BCKDK: variants seen among roughly 807,000 people sequenced by gnomAD.
The protein encoded by BCKDK is branched chain keto acid dehydrogenase kinase, also known as branched-chain alpha-ketoacid dehydrogenase kinase.
BCKDK carries 28 observed loss-of-function variants against 43.9 expected under a neutral mutation model. The ratio of observed to expected loss-of-function variants is 0.64; its 90% CI spans 0.47 to 0.87. The LOEUF is 0.87. Ranked by LOEUF, BCKDK falls within the 40% of genes least tolerant of loss-of-function variation. The pLI, the probability that BCKDK is intolerant of heterozygous loss-of-function variation, is 0.00. For synonymous variants in BCKDK, 257 were observed against 234.3 expected (o/e 1.10, Z -0.88); for missense variants, 483 against 581.4 (o/e 0.83, Z 1.74).
intron 10 of BCKDK, 74 bp downstream of exon 10, chr16:31,111,463 AC>A: frequency 2.7e-6 from 4 of 1,503,748 alleles, no homozygotes; most frequent in Non-Finnish European, 3.7e-6. Context: ...TTGATTTAGG[AC>A]CTTGAGCCCC....
downstream of BCKDK, chr16:31,117,602 G>T: frequency 8.5e-7 from 1 of 1,183,212 alleles, no homozygotes; most frequent in African/African-American, 1.6e-5. Flanking sequence ...CAAACCTTGA[G>T]GAGCCCGCCC....
chr16:31,112,289 C>T lies in BCKDK; in HGVS notation c.*24C>T. 3.1e-6 allele frequency: 5 copies of T among 1,604,662 alleles called. No individual in the cohort carries two copies. The highest frequency in any genetic ancestry group is 1.3e-5 in the African/African-American group (1 of 75,066). The stretch of plus-strand genomic sequence containing the variant: ...GACCCCACAGCCTTTGGCCTGCTCA[C>T]CCGACCAGCCTGGGCCGCATTCCCT... On this transcript the variant is annotated 3_prime_UTR_variant, in exon 12 of 12. Coordinates refer to ENST00000219794, the MANE Select transcript of BCKDK (RefSeq NM_005881.4). This position sits in a 1 kb window ranked among gnomAD's most constrained non-coding sequence, Gnocchi z 5.0.
chr16:31,112,421 T>G lies in BCKDK; in HGVS notation c.*156T>G. Reference sequence around the variant, plus strand: ...ACTTACATGGAGCTGGGCACTGCCCTGCCTCAACAGGGTCCATTGCCTCCT... The same window carrying G: ...ACTTACATGGAGCTGGGCACTGCCCGGCCTCAACAGGGTCCATTGCCTCCT... On this transcript the variant is annotated 3_prime_UTR_variant, in exon 12 of 12. Transcript: ENST00000219794. This position sits in a 1 kb window ranked among gnomAD's most constrained non-coding sequence, Gnocchi z 5.0. 1 of 1,257,010 alleles carries G rather than the reference T, an allele frequency of 8.0e-7. No individual in the cohort carries two copies. Among genetic ancestry groups the G allele is most frequent in the Non-Finnish European group, 1.1e-6 (1 of 891,720 alleles). 77.9% of individuals were successfully genotyped at this position (1,257,010 alleles called of 1,614,324 possible).
chr16:31,113,568 C>CT (rs2057429383), downstream of BCKDK, among the ~76,000 whole-genome samples: 4 of 152,176 alleles, frequency 2.6e-5, no homozygotes, highest in Admixed American at 2.6e-4. Flanking sequence ...CCTTGAACTC[C>CT]TGGGATCAAG....
downstream of BCKDK, among the ~76,000 whole-genome samples, chr16:31,115,380 C>T (rs963458911): frequency 5.3e-5 from 8 of 151,788 alleles, no homozygotes; most frequent in South Asian, 2.1e-4. Context: ...GCGGCCACCA[C>T]GCCTGGCTAA....
Position 31,112,169 on chromosome 16 carries a change from T to C in BCKDK, c.1143T>C (p.Gly381=). The change falls in exon 12 of 12, where the codon GGT becomes GGC. Residue 381 remains glycine (G), a synonymous_variant. Transcript: ENST00000219794. This position sits in a 1 kb window ranked among gnomAD's most constrained non-coding sequence, Gnocchi z 5.0. ...CACGGGCCTACGCGGAGTACCTCGG[T>C]GGGTCTCTGCAGCTGCAGTCCCTGC... ...PTSRAYAEYL[G]GSLQLQSLQG... is the part of the protein sequence containing the mutation. The C allele has an allele frequency of 6.2e-7, 1 of 1,613,478 alleles. No homozygotes were observed.
At chr16:31,111,527 T>G (rs2057412364) in intron 10 of BCKDK, 138 bp downstream of exon 10, 1 of 1,007,520 alleles carries the variant, frequency 9.9e-7, no homozygotes, top group African/African-American at 1.6e-5. Context: ...ATTCTCTGAA[T>G]CCTGAGATGG....
downstream of BCKDK, among the ~76,000 whole-genome samples, chr16:31,116,509 T>A (rs937456422): frequency 2.0e-5 from 3 of 151,634 alleles, no homozygotes; most frequent in African/African-American, 7.3e-5. Context: ...ACTCGTCCTT[T>A]CTTTAGACTT....
downstream of BCKDK, among the ~76,000 whole-genome samples, chr16:31,114,879 C>A (rs931966639): frequency 2.6e-5 from 4 of 151,984 alleles, no homozygotes; most frequent in African/African-American, 9.7e-5. Flanking sequence ...TGCATCCTTA[C>A]AATATTTCCT....
Position 31,111,321 on chromosome 16 carries a change from A to G in BCKDK, c.867A>G (p.Leu289=), listed in dbSNP as rs753857407. Residue 289 remains leucine, a synonymous_variant, in exon 10 of 12, where the codon CTA becomes CTG. Transcript: ENST00000219794. ...ATAGAGCCACAATGGAGAGTCACCT[A>G]GACACTCCCTACAATGTCCCAGATG... ...NAMRATMESH[L]DTPYNVPDVV... The G allele has an allele frequency of 1.2e-6, 2 of 1,614,074 alleles. No individual in the cohort carries two copies. Among genetic ancestry groups the G allele is most frequent in the East Asian group, 2.2e-5 (1 of 44,884 alleles).
downstream of BCKDK, among the ~76,000 whole-genome samples, chr16:31,113,220 C>T (rs1363906672): frequency 6.6e-6 from 1 of 152,232 alleles, no homozygotes; most frequent in East Asian, 1.9e-4. Context: ...CTGGAAAGTT[C>T]TCTTGCCTTC....
chr16:31,111,480 G>A lies in BCKDK; in HGVS notation c.935+91G>A. ...GATTTAGGACCTTGAGCCCCTTCCTGCCCCATTCTGGGACTTGGTCCCTGA... is the reference window on the plus strand; with the variant it reads ...GATTTAGGACCTTGAGCCCCTTCCTACCCCATTCTGGGACTTGGTCCCTGA... On this transcript the variant is annotated intron_variant, in intron 10 of 11. Coordinates refer to ENST00000219794, the MANE Select transcript of BCKDK (RefSeq NM_005881.4). 4 of 1,402,254 alleles carry A rather than the reference G, an allele frequency of 2.9e-6. No homozygotes were observed. In the South Asian group the frequency reaches 4.7e-5, roughly 17 times the overall value. 86.9% of individuals were successfully genotyped at this position (1,402,254 alleles called of 1,614,324 possible).
Position 31,111,860 on chromosome 16 carries a change from T to C in BCKDK, c.936-9T>C. The C allele has an allele frequency of 1.9e-6, 3 of 1,613,944 alleles. No homozygotes were observed. The highest frequency in any genetic ancestry group is 2.5e-6 in the Non-Finnish European group (3 of 1,179,928). On this transcript the variant is annotated splice_polypyrimidine_tract_variant and intron_variant, in intron 10 of 11. Coordinates refer to ENST00000219794, the MANE Select transcript of BCKDK (RefSeq NM_005881.4). The stretch of plus-strand genomic sequence containing the variant: ...TGAGCCAAGCCCATTGTTGTTGCCA[T>C]CTTGCTAGGATCTCAGACCGTGGTG...
chr16:31,116,838 A>AC (rs1326251834), downstream of BCKDK, among the ~76,000 whole-genome samples: 1 of 146,610 alleles, frequency 6.8e-6, no homozygotes, highest in East Asian at 2.1e-4. Flanking sequence ...AATCGCTTGA[A>AC]CCCGGGAGGC....
chr16:31,109,657 T>G lies in BCKDK; in HGVS notation c.265-16T>G. Reference sequence around the variant, plus strand: ...CTCAGGCTCCAGCCCCGCCTTCCCTTCTCATTTTCTCCCAGAAAAGTGCTC... The same window carrying G: ...CTCAGGCTCCAGCCCCGCCTTCCCTGCTCATTTTCTCCCAGAAAAGTGCTC... On this transcript the variant is annotated splice_polypyrimidine_tract_variant and intron_variant, in intron 3 of 11. Transcript: ENST00000219794. The surrounding 1 kb of genome is among the most constrained non-coding windows in gnomAD (Gnocchi z 5.3). 6.2e-7 allele frequency: 1 copy of G among 1,613,902 alleles called. No homozygotes were observed. Among genetic ancestry groups the G allele is most frequent in the Non-Finnish European group, 8.5e-7 (1 of 1,179,910 alleles).
chr16:31,110,192 C>G lies in BCKDK; in HGVS notation c.424-13C>G, dbSNP rs761948865. 2 of 1,614,012 alleles carry G rather than the reference C, an allele frequency of 1.2e-6. No individual in the cohort carries two copies. The highest frequency in any genetic ancestry group is 2.7e-5 in the African/African-American group (2 of 74,918). On this transcript the variant is annotated splice_polypyrimidine_tract_variant and intron_variant, in intron 5 of 11. Transcript: ENST00000219794. This position sits in a 1 kb window ranked among gnomAD's most constrained non-coding sequence, Gnocchi z 5.4. ...GCTTGGACCACCCTTCCTCATGACT[C>G]TGTGACCTGCAGATCAAGGACCAGG... is the stretch of plus-strand genomic sequence containing the variant.
At position 31,112,571 on chromosome 16, in the gene BCKDK, CG is replaced by C; in HGVS notation, c.*309del. 2 of 493,708 alleles carry C rather than the reference CG, an allele frequency of 4.1e-6. No individual in the cohort carries two copies. Among genetic ancestry groups the C allele is most frequent in the South Asian group, 4.0e-5 (2 of 49,556 alleles). 30.6% of individuals were successfully genotyped at this position (493,708 alleles called of 1,614,324 possible). A position where few individuals can be genotyped will look rare whatever the true frequency, so the allele number is the denominator to read the frequency against. On this transcript the variant is annotated 3_prime_UTR_variant, in exon 12 of 12. Transcript: ENST00000219794. The surrounding 1 kb of genome is among the most constrained non-coding windows in gnomAD (Gnocchi z 5.0). ...AAAGTTCACATTTTGAATGCCCTCT[CG>C]GGCCCCGTGTGTGGGGAGGGCAGGT...
chr16:31,111,795 G>A, intron 10 of BCKDK, 74 bp from the exon 11 acceptor site: 1 of 1,579,646 alleles, frequency 6.3e-7, no homozygotes, highest in Non-Finnish European at 8.6e-7. Context: ...GGCAGACTTT[G>A]CACTGTCTGC....
Position 31,110,668 on chromosome 16 carries a change from G to C in BCKDK, c.643-20G>C. On this transcript the variant is annotated intron_variant, in intron 7 of 11. Transcript: ENST00000219794. This position sits in a 1 kb window ranked among gnomAD's most constrained non-coding sequence, Gnocchi z 5.4. ...TGGGGCTAGGGGCGTGGGTAGTCCT[G>C]ACCTCCTTTCTCCGGCCAGCCTGAC... 6.2e-7 allele frequency: 1 copy of C among 1,613,710 alleles called. No individual in the cohort carries two copies. Among genetic ancestry groups the C allele is most frequent in the South Asian group, 1.1e-5 (1 of 91,068 alleles).
Sources: gnomAD v4.1 joint callset for allele counts (sites outside exome capture counted in the v4.1 genomes callset) on GRCh38, gnomAD v4.1.1 for gene constraint, Gnocchi (gnomAD v3.1) non-coding constraint, MANE v1.5 for transcripts, NCBI Gene and HGNC (gene_info 2026-07-23, HGNC 2026-07-21) for gene names.